The following RELN variants were observed in gnomAD, a reference collection of about 807,000 sequenced individuals.
The protein encoded by RELN is reelin.
RELN carries 108 observed loss-of-function variants against 427.6 expected under a neutral mutation model. That is an observed-to-expected ratio of 0.25 (90% confidence interval 0.22 to 0.30). The LOEUF (loss-of-function observed/expected upper bound fraction) is 0.30, where lower values mean the gene tolerates loss of function less well. Among genes scored for constraint, RELN ranks in the 10% least tolerant of loss-of-function variants. The pLI is 1.00. For synonymous variants in RELN, 1,524 were observed against 1,513.4 expected (o/e 1.01, Z -0.16); for missense variants, 3,715 against 4,302.8 (o/e 0.86, Z 3.82).
intron 51 of RELN, among the ~76,000 whole-genome samples, chr7:103,509,540 A>T (rs989946497): frequency 1.3e-5 from 2 of 152,180 alleles, no homozygotes; most frequent in Non-Finnish European, 2.9e-5. Flanking sequence ...AAGACCTAAA[A>T]CCATAAAAAC....
intron 3 of RELN, among the ~76,000 whole-genome samples, chr7:103,825,161 T>C (rs1015271471): frequency 1.3e-5 from 2 of 152,112 alleles, no homozygotes; most frequent in African/African-American, 4.8e-5. Flanking sequence ...TTTTTAATAT[T>C]AGGTACATGA....
chr7:103,649,880 ATGT>A (rs1832877075), intron 16 of RELN, among the ~76,000 whole-genome samples: 1 of 151,932 alleles, frequency 6.6e-6, no homozygotes, highest in Admixed American at 6.6e-5. Flanking sequence ...AGCATTCCAG[ATGT>A]TGTGGTAGTT....
chr7:103,489,203 G>GGTGTGT (rs3051647), intron 60 of RELN, among the ~76,000 whole-genome samples: 12,736 of 147,794 alleles, frequency 0.086, 759 homozygotes, highest in African/African-American at 0.17. Flanking sequence ...GTCATAAAGG[G>GGTGTGT]GTGTGTGTGT....
intron 3 of RELN, among the ~76,000 whole-genome samples, chr7:103,815,265 C>T (rs1202412222): frequency 6.6e-6 from 1 of 152,162 alleles, no homozygotes; most frequent in Admixed American, 6.5e-5. Context: ...TAATCATATG[C>T]TGTTTAATAT....
chr7:103,515,817 T>G (rs775300201), intron 49 of RELN, among the ~76,000 whole-genome samples: 7 of 152,176 alleles, frequency 4.6e-5, no homozygotes, highest in Non-Finnish European at 8.8e-5. Flanking sequence ...GTGCTTGGCT[T>G]CTTCTGCTTC....
At chr7:103,879,316 C>A (rs1445402644) in intron 2 of RELN, among the ~76,000 whole-genome samples, 1 of 152,160 alleles carries the variant, frequency 6.6e-6, no homozygotes, top group African/African-American at 2.4e-5. Flanking sequence ...TGTTAGCAAC[C>A]TTAATCATAT....
At chr7:103,856,911 A>AAT (rs10654498) in intron 2 of RELN, among the ~76,000 whole-genome samples, 21,800 of 152,058 alleles carry the variant, frequency 0.14, 1,860 homozygotes, top group East Asian at 0.34. Context: ...CATACTTTAA[A>AAT]ATATATATAT....
At position 103,892,748 on chromosome 7, in the gene RELN, C is replaced by T. The variant is rs116330258; in HGVS notation, c.337+24327G>A. Among the ~76,000 whole-genome samples the T allele has an allele frequency of 7.3e-3, 1,105 of 152,240 alleles. 10 individuals carry two copies. The highest frequency in any genetic ancestry group is 0.025 in the African/African-American group (1,034 of 41,548). ...AATTGGAAAAATACTTTAACATACACTTTTATGGTACACTTTAAAATATCA... is the reference window on the plus strand; with the variant it reads ...AATTGGAAAAATACTTTAACATACATTTTTATGGTACACTTTAAAATATCA... On this transcript the variant is annotated intron_variant, in intron 2 of 64. Transcript: ENST00000428762.
intron 50 of RELN, 125 bp downstream of exon 50, chr7:103,515,060 C>T: frequency 1.7e-6 from 2 of 1,206,172 alleles, no homozygotes; most frequent in Non-Finnish European, 2.4e-6. Context: ...GGATGACACC[C>T]TTTTCAGCGT....
At chr7:103,935,746 T>C (rs1463361834) in intron 1 of RELN, among the ~76,000 whole-genome samples, 3 of 152,180 alleles carry the variant, frequency 2.0e-5, no homozygotes, top group Non-Finnish European at 4.4e-5. Context: ...GTAACATACT[T>C]ATTGAGTACC....
intron 1 of RELN, among the ~76,000 whole-genome samples, chr7:103,937,815 T>C (rs755323297): frequency 2.0e-5 from 3 of 152,208 alleles, no homozygotes; most frequent in Non-Finnish European, 4.4e-5. Flanking sequence ...GCAGGTTAGC[T>C]GTTCGTGTAA....
chr7:103,506,241 A>G (rs996029131), intron 51 of RELN, among the ~76,000 whole-genome samples: 5 of 151,152 alleles, frequency 3.3e-5, no homozygotes, highest in African/African-American at 1.2e-4. Context: ...AGAGAACGCC[A>G]CAAAGATACA....
chr7:103,662,147 C>T (rs1833157180), intron 11 of RELN, among the ~76,000 whole-genome samples: 1 of 152,058 alleles, frequency 6.6e-6, no homozygotes, highest in Non-Finnish European at 1.5e-5. Flanking sequence ...TCACAGTGAC[C>T]CTATGAGGTA....
intron 3 of RELN, among the ~76,000 whole-genome samples, chr7:103,786,775 C>T (rs901779224): frequency 1.3e-5 from 2 of 152,010 alleles, no homozygotes; most frequent in African/African-American, 4.8e-5. Context: ...ACCCGACTGT[C>T]GATATTAGAC....
At chr7:103,507,693 T>C (rs1829261776) in intron 51 of RELN, among the ~76,000 whole-genome samples, 1 of 151,766 alleles carries the variant, frequency 6.6e-6, no homozygotes, top group African/African-American at 2.4e-5. Context: ...AGAGCAGAAC[T>C]GAAGGAGATA....
intron 11 of RELN, among the ~76,000 whole-genome samples, chr7:103,666,364 GC>G (rs961658731): frequency 5.3e-5 from 8 of 152,084 alleles, no homozygotes; most frequent in Non-Finnish European, 1.0e-4. Context: ...CAGCCACTGT[GC>G]CCCACTTCTT....
In RELN at chr7:103,874,245, A is replaced by G. The variant is rs1244310572; in HGVS notation, c.338-40573T>C. The stretch of plus-strand genomic sequence containing the variant: ...GCTATCTATGACAAACCCACAGCCA[A>G]TATCATACTGAATGGGCAAAAACTG... On this transcript the variant is annotated intron_variant, in intron 2 of 64. Coordinates refer to ENST00000428762, the MANE Select transcript of RELN (RefSeq NM_005045.4). Among the ~76,000 whole-genome samples the G allele has an allele frequency of 5.4e-4, 65 of 120,956 alleles. 2 individuals are homozygous for G. Among genetic ancestry groups the G allele is most frequent in the African/African-American group, 1.7e-3 (59 of 34,014 alleles). The allele number at this position is 120,956 out of a possible 152,430, so 79.4% of individuals were successfully genotyped here.
intron 19 of RELN, among the ~76,000 whole-genome samples, chr7:103,635,015 C>T (rs1249584836): frequency 6.6e-6 from 1 of 152,002 alleles, no homozygotes; most frequent in African/African-American, 2.4e-5. Context: ...CGCACCACCA[C>T]ACCCAGCTTT....
At chr7:103,706,886 A>G (rs775567586) in intron 8 of RELN, among the ~76,000 whole-genome samples, 2 of 152,192 alleles carry the variant, frequency 1.3e-5, no homozygotes, top group African/African-American at 2.4e-5. Context: ...TATCATGTGT[A>G]CTTGGGCATC....
Sources: gnomAD v4.1 joint callset for allele counts (sites outside exome capture counted in the v4.1 genomes callset) on GRCh38, gnomAD v4.1.1 for gene constraint, MANE v1.5 for transcripts, NCBI Gene and HGNC (gene_info 2026-07-23, HGNC 2026-07-21) for gene names.